The following USP18 variants were observed in gnomAD, a reference collection of about 807,000 sequenced individuals.
The protein encoded by USP18 is ubl carboxyl-terminal hydrolase 18.
A neutral mutation model predicts 48.7 loss-of-function variants in USP18; 11 were observed. That is an observed-to-expected ratio of 0.23 (90% confidence interval 0.14 to 0.37). The LOEUF is 0.37. Ranked by LOEUF, USP18 falls within the 10% of genes least tolerant of loss-of-function variation. The probability of loss-of-function intolerance (pLI) is 1.00; values close to 1 mark genes in which losing one functional copy is unlikely to be tolerated. For missense variants in USP18, 285 were observed against 436.4 expected, an observed-to-expected ratio of 0.65 and a Z score of 3.09; for synonymous variants, 114 against 163.2, an observed-to-expected ratio of 0.70 and a Z score of 2.30.
rs892391747 is a variant in USP18, at chr22:18,173,672, G to A, written c.1024-121G>A. On this transcript the variant is annotated intron_variant, in intron 9 of 10. Transcript: ENST00000215794. Reference sequence around the variant, plus strand: ...AAGACATCCTGCTGCTGTTGCTCCAGGCTCTTGGGAGTTGCTAGGGGTGGG... The same window carrying A: ...AAGACATCCTGCTGCTGTTGCTCCAAGCTCTTGGGAGTTGCTAGGGGTGGG... 4 of 1,411,026 alleles carry A rather than the reference G, an allele frequency of 2.8e-6. No individual in the cohort carries two copies. In the East Asian group the frequency reaches 7.2e-5, roughly 25 times the overall value. 87.4% of individuals were successfully genotyped at this position (1,411,026 alleles called of 1,614,324 possible). A position where few individuals can be genotyped will look rare whatever the true frequency, so the allele number is the denominator to read the frequency against.
intron 3 of USP18, among the ~76,000 whole-genome samples, chr22:18,161,163 T>C (rs1241797156): frequency 6.6e-6 from 1 of 151,628 alleles, no homozygotes; most frequent in Non-Finnish European, 1.5e-5. Flanking sequence ...GAGTTGGGAC[T>C]AGACCAAAGT....
intron 2 of USP18, among the ~76,000 whole-genome samples, chr22:18,158,936 GT>G (rs113745107): frequency 2.2e-4 from 33 of 151,572 alleles, no homozygotes; most frequent in South Asian, 1.7e-3. Flanking sequence ...TTTCTCTAAT[GT>G]TTTTTTTTCT....
Position 18,160,269 on chromosome 22 carries a change from G to A in USP18, c.254+1G>A. The stretch of plus-strand genomic sequence containing the variant: ...TGGACTTCACCAGGATATTGAAGAG[G>A]TAAGACTGTTCTTCAGGCTGATGAG... On this transcript the variant is annotated splice_donor_variant, in intron 3 of 10. Transcript: ENST00000215794. LOFTEE classifies it high-confidence loss of function. 1 of 1,613,922 alleles carries A rather than the reference G, an allele frequency of 6.2e-7. No homozygotes were observed.
At chr22:18,164,489 C>G (rs1223671616) in intron 4 of USP18, among the ~76,000 whole-genome samples, 1 of 151,842 alleles carries the variant, frequency 6.6e-6, no homozygotes, top group African/African-American at 2.4e-5. Flanking sequence ...TTTTACCATA[C>G]AGCAGGGGGT....
rs1445424116 is a variant in USP18, at chr22:18,159,143, C to A, written c.158-1029C>A. ...CGATCTTGGCTCACTGCAACATCTG[C>A]CTGCCAGGTTCAAGCAGTTCTCCTT... On this transcript the variant is annotated intron_variant, in intron 2 of 10. Coordinates refer to ENST00000215794, the MANE Select transcript of USP18 (RefSeq NM_017414.4). Among the ~76,000 whole-genome samples, 4 of 152,180 alleles carry A rather than the reference C, an allele frequency of 2.6e-5. No individual in the cohort carries two copies. The East Asian group carries it at 7.7e-4, about 29-fold the overall frequency.
At chr22:18,167,226 A>G (rs1219913390) in intron 4 of USP18, 29 bp from the exon 5 acceptor site, 2 of 1,612,176 alleles carry the variant, frequency 1.2e-6, no homozygotes, top group Non-Finnish European at 8.5e-7. Flanking sequence ...AGACCTCACT[A>G]ATTGGCTGTT....
intron 1 of USP18, among the ~76,000 whole-genome samples, chr22:18,152,452 C>T (rs1306716721): frequency 5.5e-5 from 7 of 127,444 alleles, no homozygotes; most frequent in Non-Finnish European, 9.7e-5. Context: ...CATGAGAGAA[C>T]GTGAACCAAA....
chr22:18,173,425 C>G (rs1268326717), intron 9 of USP18, 144 bp downstream of exon 9: 4 of 1,155,930 alleles, frequency 3.5e-6, no homozygotes, highest in Non-Finnish European at 4.8e-6. Context: ...AGGGTTCAAG[C>G]CTTTTTCGGT....
intron 1 of USP18, among the ~76,000 whole-genome samples, chr22:18,156,238 C>T (rs1602519723): frequency 6.6e-6 from 1 of 151,054 alleles, no homozygotes; most frequent in East Asian, 1.9e-4. Flanking sequence ...CCTGTCAAAA[C>T]GGACCAATCA....
At chr22:18,155,833 C>G (rs553005690) in intron 1 of USP18, among the ~76,000 whole-genome samples, 11 of 152,236 alleles carry the variant, frequency 7.2e-5, no homozygotes, top group Non-Finnish European at 1.3e-4. Context: ...GGCTCCACGC[C>G]GCCGAGTCCC....
rs34724251 is a variant in USP18, at chr22:18,159,499, C to CTT, written c.158-659_158-658dup. 8.3e-4 allele frequency among the ~76,000 whole-genome samples: 116 copies of CTT among 140,068 alleles called. 1 individual carries two copies. Among genetic ancestry groups the CTT allele is most frequent in the Middle Eastern group, 3.8e-3 (1 of 266 alleles). 91.9% of individuals were successfully genotyped at this position (140,068 alleles called of 152,430 possible). ...AAGAAAAACATTAGATTTTTGTCAA[C>CTT]TTTTTTTTTTTTTTTGAGACAGAAT... is the stretch of plus-strand genomic sequence containing the variant. On this transcript the variant is annotated intron_variant, in intron 2 of 10. Transcript: ENST00000215794.
At chr22:18,172,290 A>G (rs540841462) in intron 8 of USP18, among the ~76,000 whole-genome samples, 7 of 152,214 alleles carry the variant, frequency 4.6e-5, no homozygotes, top group Admixed American at 3.9e-4. Context: ...CAAATCCCAG[A>G]CATCATACTA....
rs2543699 is a variant in USP18, at chr22:18,173,729, A to G, written c.1024-64A>G. The G allele has an allele frequency of 1.5e-3, 2,369 of 1,598,522 alleles. 6 individuals are homozygous for G. Among genetic ancestry groups the G allele is most frequent in the African/African-American group, 2.3e-3 (173 of 74,730 alleles). On this transcript the variant is annotated intron_variant, in intron 9 of 10. Transcript: ENST00000215794. The stretch of plus-strand genomic sequence containing the variant: ...TGGAGGATGAGGGGCACATTATAGC[A>G]TCCTGTCCTCTGTGGGTGCTTGTGT...
chr22:18,167,312 A>G lies in USP18; in HGVS notation c.458A>G (p.Asp153Gly). 6.2e-7 allele frequency: 1 copy of G among 1,613,884 alleles called. No individual in the cohort carries two copies. The highest frequency in any genetic ancestry group is 1.1e-5 in the South Asian group (1 of 91,070). Reference sequence around the variant, plus strand: ...CTCAAACTCTGGAACCTGATTAAGGACCAGATCACTGATGTGCACTTGGTA... The same window carrying G: ...CTCAAACTCTGGAACCTGATTAAGGGCCAGATCACTGATGTGCACTTGGTA... ...LYLKLWNLIK[D>G]QITDVHLVER... Residue 153 changes from aspartate (D) to glycine (G), a missense_variant, in exon 5 of 11, where the codon GAC becomes GGC. Asp to Gly is a moderately conservative substitution (Grantham distance 94, BLOSUM62 -1). Around this residue, in one of 5 missense-constraint regions of USP18, gnomAD observed 199 missense variants for 239.6 expected, o/e 0.83. Coordinates refer to ENST00000215794, the MANE Select transcript of USP18 (RefSeq NM_017414.4).
At chr22:18,169,230 C>T (rs922307145) in intron 6 of USP18, among the ~76,000 whole-genome samples, 7 of 151,932 alleles carry the variant, frequency 4.6e-5, no homozygotes, top group African/African-American at 1.2e-4. Context: ...CACCATCCCC[C>T]GTGGTGCTGT....
At chr22:18,156,035 G>T (rs1037053669) in intron 1 of USP18, among the ~76,000 whole-genome samples, 5 of 152,238 alleles carry the variant, frequency 3.3e-5, no homozygotes, top group African/African-American at 1.2e-4. Flanking sequence ...CTAGCTCAAG[G>T]TTTGTAAACA....
At chr22:18,156,396 T>C (rs1302546082) in intron 1 of USP18, among the ~76,000 whole-genome samples, 1 of 152,222 alleles carries the variant, frequency 6.6e-6, no homozygotes, top group East Asian at 1.9e-4. Flanking sequence ...GAAGCTTTGT[T>C]GTTTCATTCT....
chr22:18,169,741 CA>C lies in USP18; in HGVS notation c.628-102del. The C allele has an allele frequency of 1.1e-5, 14 of 1,330,842 alleles. No individual in the cohort carries two copies. In the South Asian group the frequency reaches 2.0e-4, roughly 19 times the overall value. 82.4% of individuals were successfully genotyped at this position (1,330,842 alleles called of 1,614,324 possible). ...CAAACTTCTTTTCTTATAAATTACC[CA>C]GTCTCAGCTATTGTCTCACAGCAGT... is the stretch of plus-strand genomic sequence containing the variant. On this transcript the variant is annotated intron_variant, in intron 6 of 10. Coordinates refer to ENST00000215794, the MANE Select transcript of USP18 (RefSeq NM_017414.4).
intron 2 of USP18, 116 bp from the exon 3 acceptor site, chr22:18,160,056 C>G: frequency 1.1e-6 from 1 of 948,378 alleles, no homozygotes; most frequent in Non-Finnish European, 1.7e-6. Flanking sequence ...TCAGGTGATC[C>G]GCCCACCTCG....
Sources: allele counts gnomAD v4.1 joint callset (sites outside exome capture counted in the v4.1 genomes callset), GRCh38; gene constraint gnomAD v4.1.1; regional missense constraint gnomAD v4.1.1; transcripts MANE v1.5; gene names NCBI Gene and HGNC (gene_info 2026-07-23, HGNC 2026-07-21).